TMEM132D: variants seen among roughly 807,000 people sequenced by gnomAD.
The protein encoded by TMEM132D is mature OL transmembrane protein.
In TMEM132D, 21 loss-of-function variants were observed where a neutral mutation model predicts 62.3. The ratio of observed to expected loss-of-function variants is 0.34; its 90% CI spans 0.24 to 0.49. The LOEUF (loss-of-function observed/expected upper bound fraction) is 0.49. Ranked by LOEUF, TMEM132D falls within the 20% of genes least tolerant of loss-of-function variation. The pLI is 0.99. For missense variants in TMEM132D, 1,346 were observed against 1,402.8 expected (o/e 0.96, Z 0.65); for synonymous variants, 621 against 575.6 (o/e 1.08, Z -1.13).
intron 3 of TMEM132D, among the ~76,000 whole-genome samples, chr12:129,488,834 A>G (rs1193237076): frequency 6.6e-6 from 1 of 151,996 alleles, no homozygotes; most frequent in Non-Finnish European, 1.5e-5. Context: ...GTTAAAAAAA[A>G]AAAAGCCAAA....
chr12:129,524,480 C>T (rs1566097833), intron 3 of TMEM132D, among the ~76,000 whole-genome samples: 1 of 152,094 alleles, frequency 6.6e-6, no homozygotes, highest in Non-Finnish European at 1.5e-5. Context: ...CTCATAATTG[C>T]TGCATAAAAT....
intron 4 of TMEM132D, among the ~76,000 whole-genome samples, chr12:129,269,154 G>T (rs544005304): frequency 6.6e-6 from 1 of 152,068 alleles, no homozygotes; most frequent in East Asian, 1.9e-4. Context: ...ATGTCCCCTA[G>T]AACTTAAAGT....
At chr12:129,287,408 A>G (rs1881331437) in intron 4 of TMEM132D, among the ~76,000 whole-genome samples, 1 of 152,266 alleles carries the variant, frequency 6.6e-6, no homozygotes, top group Non-Finnish European at 1.5e-5. Context: ...TGCTTTGGAC[A>G]AGAATCATCA....
chr12:129,577,595 T>C (rs1211657177), intron 2 of TMEM132D, among the ~76,000 whole-genome samples: 1 of 151,766 alleles, frequency 6.6e-6, no homozygotes, highest in African/African-American at 2.4e-5. Flanking sequence ...TGGCAGTAAA[T>C]ACTGAAAAGA....
At chr12:129,797,076 C>T (rs1034507558) in intron 1 of TMEM132D, among the ~76,000 whole-genome samples, 10 of 152,172 alleles carry the variant, frequency 6.6e-5, no homozygotes, top group Non-Finnish European at 1.5e-4. Context: ...CTTCATCTTT[C>T]ATGTGACCAA....
At chr12:129,219,706 C>T (rs1013668927) in intron 4 of TMEM132D, among the ~76,000 whole-genome samples, 6 of 152,246 alleles carry the variant, frequency 3.9e-5, no homozygotes, top group Non-Finnish European at 8.8e-5. Flanking sequence ...AATTCTTCTT[C>T]ACTCATGTGC....
chr12:129,220,004 T>A (rs1251124773), intron 4 of TMEM132D, among the ~76,000 whole-genome samples: 2 of 152,220 alleles, frequency 1.3e-5, no homozygotes, highest in Non-Finnish European at 2.9e-5. Context: ...CTAAAATATG[T>A]ACTTCATTTC....
chr12:129,681,255 G>T (rs953692494), intron 2 of TMEM132D, among the ~76,000 whole-genome samples: 3 of 152,174 alleles, frequency 2.0e-5, no homozygotes, highest in Admixed American at 2.0e-4. Flanking sequence ...TGCTTCAAAA[G>T]CTACTATGAA....
intron 2 of TMEM132D, among the ~76,000 whole-genome samples, chr12:129,572,463 G>T (rs1593070630): frequency 6.9e-6 from 1 of 143,946 alleles, no homozygotes; most frequent in South Asian, 2.2e-4. Flanking sequence ...TTCTTTTTTT[G>T]TTGAGACGGA....
At chr12:129,351,015 G>T (rs778009324) in intron 3 of TMEM132D, among the ~76,000 whole-genome samples, 1 of 152,170 alleles carries the variant, frequency 6.6e-6, no homozygotes, top group Non-Finnish European at 1.5e-5. Context: ...TGAAACCCAC[G>T]ATATAGGATG....
intron 3 of TMEM132D, among the ~76,000 whole-genome samples, chr12:129,383,868 C>A (rs1236530152): frequency 3.9e-5 from 6 of 152,200 alleles, no homozygotes; most frequent in Admixed American, 3.9e-4. Flanking sequence ...CCCAGAGAGC[C>A]TGATTCACTC....
chr12:129,431,880 A>G (rs538827658), intron 3 of TMEM132D, among the ~76,000 whole-genome samples: 1 of 152,258 alleles, frequency 6.6e-6, no homozygotes, highest in African/African-American at 2.4e-5. Context: ...GAACACACCA[A>G]GCACATGCCT....
intron 5 of TMEM132D, chr12:129,208,985 T>C (rs11060202): frequency 0.57 from 86,391 of 152,302 alleles, 27,214 homozygotes; most frequent in Non-Finnish European, 0.72. Context: ...CCCTAGCTCA[T>C]GTGGAATTTT....
chr12:129,125,935 G>A (rs558452352), intron 5 of TMEM132D, among the ~76,000 whole-genome samples: 2 of 152,272 alleles, frequency 1.3e-5, no homozygotes, highest in South Asian at 4.1e-4. Flanking sequence ...AGAGTAAACA[G>A]GGTGTTCCTT....
intron 3 of TMEM132D, among the ~76,000 whole-genome samples, chr12:129,485,387 C>T (rs1273986172): frequency 6.6e-6 from 1 of 152,172 alleles, no homozygotes; most frequent in Non-Finnish European, 1.5e-5. Flanking sequence ...GGAAAACTCC[C>T]AGGAAAAATC....
intron 3 of TMEM132D, among the ~76,000 whole-genome samples, chr12:129,338,289 T>C (rs905742518): frequency 6.6e-6 from 1 of 152,078 alleles, no homozygotes; most frequent in Admixed American, 6.6e-5. Context: ...TTGGCAGTGA[T>C]AAGACAGAAT....
chr12:129,680,942 G>A (rs1880761674), intron 2 of TMEM132D, among the ~76,000 whole-genome samples: 1 of 152,200 alleles, frequency 6.6e-6, no homozygotes, highest in African/African-American at 2.4e-5. Context: ...AGTAGGGACA[G>A]TGGCATGAGA....
At chr12:129,454,631 G>A (rs1033858790) in intron 3 of TMEM132D, among the ~76,000 whole-genome samples, 2 of 152,212 alleles carry the variant, frequency 1.3e-5, no homozygotes, top group African/African-American at 4.8e-5. Context: ...AGCTTAAGAA[G>A]CCTTGCATTT....
chr12:129,465,738 A>G (rs1873869616), intron 3 of TMEM132D, among the ~76,000 whole-genome samples: 1 of 152,228 alleles, frequency 6.6e-6, no homozygotes, highest in African/African-American at 2.4e-5. Context: ...GCTGGAGTGC[A>G]GTGGAGCTAT....
Sources: allele counts gnomAD v4.1 joint callset (sites outside exome capture counted in the v4.1 genomes callset), GRCh38; gene constraint gnomAD v4.1.1; transcripts MANE v1.5; gene names NCBI Gene and HGNC (gene_info 2026-07-23, HGNC 2026-07-21).